SULF2: variants seen among roughly 807,000 people sequenced by gnomAD.
SULF2 encodes the protein sulfatase 2, also known as extracellular sulfatase Sulf-2.
In SULF2, 52 loss-of-function variants were observed where a neutral mutation model predicts 107.7. That is an observed-to-expected ratio of 0.48 (90% CI 0.39 to 0.61). SULF2 has a LOEUF of 0.61. Among genes scored for constraint, SULF2 ranks in the 20% least tolerant of loss-of-function variants. SULF2 has a pLI of 0.00. For synonymous variants in SULF2, 460 were observed against 464.3 expected, an observed-to-expected ratio of 0.99 and a Z score of 0.12; for missense variants, 993 against 1,177.3, an observed-to-expected ratio of 0.84 and a Z score of 2.29.
chr20:47,702,823 G>A (rs888825737), intron 3 of SULF2, among the ~76,000 whole-genome samples, 153 bp from the exon 4 acceptor site: 5 of 152,196 alleles, frequency 3.3e-5, no homozygotes, highest in African/African-American at 1.2e-4. Flanking sequence ...ATGTTATTAC[G>A]TGCATTGAAT....
intron 1 of SULF2, among the ~76,000 whole-genome samples, chr20:47,782,493 T>C (rs985432291): frequency 4.6e-5 from 7 of 152,090 alleles, no homozygotes; most frequent in African/African-American, 1.7e-4. Flanking sequence ...CAGATCAGCA[T>C]TGAGAGAGGC....
chr20:47,766,839 C>T (rs534878881), intron 1 of SULF2, among the ~76,000 whole-genome samples: 1 of 151,996 alleles, frequency 6.6e-6, no homozygotes, highest in Non-Finnish European at 1.5e-5. Flanking sequence ...GGAAGCTGAG[C>T]ACCAAAATGT....
intron 3 of SULF2, among the ~76,000 whole-genome samples, chr20:47,708,850 A>G (rs2088830781): frequency 6.6e-6 from 1 of 152,098 alleles, no homozygotes. Flanking sequence ...CACGGATGTC[A>G]GCTTAATGCA....
At chr20:47,747,351 CAG>C (rs1423876214) in intron 2 of SULF2, among the ~76,000 whole-genome samples, 1 of 152,152 alleles carries the variant, frequency 6.6e-6, no homozygotes, top group Admixed American at 6.5e-5. Flanking sequence ...ATCGGGTTGT[CAG>C]AGAGACCATG....
chr20:47,743,803 C>T (rs1419211398), intron 2 of SULF2, among the ~76,000 whole-genome samples: 2 of 152,196 alleles, frequency 1.3e-5, no homozygotes, highest in East Asian at 3.8e-4. Context: ...TCCTCTGCTC[C>T]AGTCACATTG....
At chr20:47,779,884 G>A (rs763855152) in intron 1 of SULF2, among the ~76,000 whole-genome samples, 13 of 152,238 alleles carry the variant, frequency 8.5e-5, no homozygotes, top group Admixed American at 3.3e-4. Context: ...TGCGATTACA[G>A]GCATAAGCCA....
At chr20:47,744,691 G>C (rs1285249794) in intron 2 of SULF2, among the ~76,000 whole-genome samples, 6 of 152,128 alleles carry the variant, frequency 3.9e-5, no homozygotes, top group Admixed American at 1.3e-4. Flanking sequence ...GTTATCCACT[G>C]TGGCCACTGT....
chr20:47,659,256 T>A, intron 20 of SULF2, 143 bp downstream of exon 20: 1 of 688,290 alleles, frequency 1.5e-6, no homozygotes. Context: ...TAGGGAAAGA[T>A]GTGCATTAGT....
At chr20:47,743,740 G>A (rs998739960) in intron 2 of SULF2, among the ~76,000 whole-genome samples, 9 of 152,130 alleles carry the variant, frequency 5.9e-5, no homozygotes, top group African/African-American at 1.7e-4. Flanking sequence ...TCAGTGATCC[G>A]GATGCTCACT....
chr20:47,719,071 T>C (rs1008285377), intron 3 of SULF2, among the ~76,000 whole-genome samples: 2 of 152,238 alleles, frequency 1.3e-5, no homozygotes, highest in African/African-American at 4.8e-5. Context: ...TGGGACTTTG[T>C]CACCAATGGG....
At chr20:47,671,942 T>G (rs1287559620) in intron 11 of SULF2, among the ~76,000 whole-genome samples, 3 of 152,190 alleles carry the variant, frequency 2.0e-5, no homozygotes, top group Non-Finnish European at 4.4e-5. Flanking sequence ...GCTCCTGACC[T>G]CAGGTGATCT....
intron 2 of SULF2, among the ~76,000 whole-genome samples, chr20:47,748,179 C>A (rs1012937142): frequency 1.3e-5 from 2 of 152,312 alleles, no homozygotes; most frequent in South Asian, 4.1e-4. Flanking sequence ...TGCTCTCTGC[C>A]GCCCTCTTCC....
intron 3 of SULF2, among the ~76,000 whole-genome samples, chr20:47,733,486 C>G (rs1198880959): frequency 6.6e-6 from 1 of 152,234 alleles, no homozygotes; most frequent in Non-Finnish European, 1.5e-5. Context: ...TGCAACCTAA[C>G]AGAGGGCCGG....
At position 47,742,927 on chromosome 20, in the gene SULF2, A is replaced by ATTTTTTTTTTTTTTTT. The variant is rs397837137; in HGVS notation, c.176-6001_176-5986dup. On this transcript the variant is annotated intron_variant, in intron 2 of 20. Transcript: ENST00000688720. Reference sequence around the variant, plus strand: ...AGGGAGTTTCAGGATTCAAAACATGATTTTTTTTTTTTTTTTTTTTTTTTT... The same window carrying ATTTTTTTTTTTTTTTT: ...AGGGAGTTTCAGGATTCAAAACATGATTTTTTTTTTTTTTTTTTTTTTTTTTTTTTTTTTTTTTTTT... Among the ~76,000 whole-genome samples, 14 of 99,452 alleles carry ATTTTTTTTTTTTTTTT rather than the reference A, an allele frequency of 1.4e-4. 6 individuals are homozygous for ATTTTTTTTTTTTTTTT. The highest frequency in any genetic ancestry group is 7.6e-5 in the African/African-American group (2 of 26,164). The allele number at this position is 99,452 out of a possible 152,430, so 65.2% of individuals were successfully genotyped here.
intron 10 of SULF2, chr20:47,672,627 G>A (rs929533633): frequency 5.8e-6 from 5 of 866,278 alleles, no homozygotes; most frequent in Non-Finnish European, 6.9e-6. Context: ...CACTCTCACG[G>A]TTACCTGCTT....
intron 1 of SULF2, among the ~76,000 whole-genome samples, chr20:47,785,137 G>A (rs1332158453): frequency 6.6e-6 from 1 of 151,838 alleles, no homozygotes; most frequent in Non-Finnish European, 1.5e-5. Context: ...CTCTGCGGAC[G>A]GCCGGCGCCG....
At chr20:47,737,308 T>C (rs1270526227) in intron 2 of SULF2, among the ~76,000 whole-genome samples, 1 of 152,230 alleles carries the variant, frequency 6.6e-6, no homozygotes, top group East Asian at 1.9e-4. Flanking sequence ...AATCAAACTG[T>C]TTTACAAATT....
Position 47,779,206 on chromosome 20 carries a change from G to T in SULF2, c.-101+6137C>A, listed in dbSNP as rs189141954. On this transcript the variant is annotated intron_variant, in intron 1 of 20. Transcript: ENST00000688720. ...TCACTGTGGGGTCATCCCGTACATT[G>T]CAGGTTAAGCAGCATCCCTGGCCTC... Among the ~76,000 whole-genome samples the T allele has an allele frequency of 2.0e-5, 3 of 152,314 alleles. No homozygotes were observed. The East Asian group carries it at 5.8e-4, about 29-fold the overall frequency.
At chr20:47,710,383 A>G (rs1455584713) in intron 3 of SULF2, among the ~76,000 whole-genome samples, 2 of 151,854 alleles carry the variant, frequency 1.3e-5, no homozygotes, top group Non-Finnish European at 2.9e-5. Flanking sequence ...GTTTAGATAC[A>G]CAAATACTTC....
Sources: gnomAD v4.1 joint callset for allele counts (sites outside exome capture counted in the v4.1 genomes callset) on GRCh38, gnomAD v4.1.1 for gene constraint, MANE v1.5 for transcripts, NCBI Gene and HGNC (gene_info 2026-07-23, HGNC 2026-07-21) for gene names.